The following LIN28B variants were observed in gnomAD, a reference collection of about 807,000 sequenced individuals.
LIN28B encodes lin-28 RNA binding posttranscriptional regulator B.
Under a neutral mutation model 21.9 loss-of-function variants are expected in LIN28B, and 5 were observed. The observed-to-expected ratio is 0.23, with a 90% CI of 0.12 to 0.48. The LOEUF is 0.48. Among genes scored for constraint, LIN28B ranks in the 20% least tolerant of loss-of-function variants. LIN28B has a pLI of 0.98. For missense variants in LIN28B, 245 were observed against 310.5 expected (o/e 0.79, Z 1.58); for synonymous variants, 109 against 111.3 (o/e 0.98, Z 0.13).
At chr6:105,009,568 A>T (rs1398846907) in intron 2 of LIN28B, among the ~76,000 whole-genome samples, 2 of 152,266 alleles carry the variant, frequency 1.3e-5, no homozygotes, top group South Asian at 4.2e-4. Flanking sequence ...TCTAAAAGAA[A>T]AGTAGACACA....
At chr6:105,011,547 T>A (rs373478180) in intron 2 of LIN28B, among the ~76,000 whole-genome samples, 1 of 152,210 alleles carries the variant, frequency 6.6e-6, no homozygotes, top group Non-Finnish European at 1.5e-5. Flanking sequence ...CATCTGACCT[T>A]CTTTACATCA....
rs573675268 is a variant in LIN28B at position 105,081,146 on chromosome 6, A to G, written c.*2363A>G. Reference sequence around the variant, plus strand: ...AAGAACTTTGCTCAGGGAACATACCATGTAATATTTTTGTTGTTTCTTTAC... The same window carrying G: ...AAGAACTTTGCTCAGGGAACATACCGTGTAATATTTTTGTTGTTTCTTTAC... On this transcript the variant is annotated 3_prime_UTR_variant, in exon 4 of 4. Transcript: ENST00000345080. 4 of 152,754 alleles carry G rather than the reference A, an allele frequency of 2.6e-5. No individual in the cohort carries two copies. The South Asian group carries it at 8.3e-4, about 32-fold the overall frequency. 9.5% of individuals were successfully genotyped at this position (152,754 alleles called of 1,614,324 possible).
intron 3 of LIN28B, among the ~76,000 whole-genome samples, chr6:105,032,540 C>T (rs977967175): frequency 6.6e-6 from 1 of 151,958 alleles, no homozygotes; most frequent in Non-Finnish European, 1.5e-5. Context: ...GCCTGGGCAA[C>T]ATGGAGAAAC....
intron 3 of LIN28B, among the ~76,000 whole-genome samples, chr6:105,033,895 A>G (rs1003904611): frequency 2.0e-5 from 3 of 151,688 alleles, no homozygotes; most frequent in South Asian, 2.1e-4. Flanking sequence ...TATTATTTAT[A>G]TGAAATAATC....
chr6:104,948,413 G>A (rs925959335), intron 2 of LIN28B, among the ~76,000 whole-genome samples: 9 of 152,182 alleles, frequency 5.9e-5, no homozygotes, highest in Middle Eastern at 3.2e-3. Flanking sequence ...GTTGCAGTGA[G>A]CCTAGATTGC....
At chr6:104,963,239 G>A (rs1307056755) in intron 2 of LIN28B, among the ~76,000 whole-genome samples, 2 of 152,028 alleles carry the variant, frequency 1.3e-5, no homozygotes, top group Non-Finnish European at 2.9e-5. Context: ...GTAGAGACGG[G>A]GTTTCACTGT....
intron 2 of LIN28B, among the ~76,000 whole-genome samples, chr6:104,962,360 A>G (rs946509185): frequency 6.6e-6 from 1 of 152,070 alleles, no homozygotes; most frequent in Non-Finnish European, 1.5e-5. Context: ...ATTCATCTTC[A>G]TTTACCTTAC....
chr6:105,070,865 G>GT (rs139366101), intron 3 of LIN28B, among the ~76,000 whole-genome samples: 12 of 152,172 alleles, frequency 7.9e-5, no homozygotes, highest in African/African-American at 1.2e-4. Context: ...CCTCCCAGTG[G>GT]TTTTTACATT....
At chr6:105,028,002 A>G (rs1387687317) in intron 3 of LIN28B, among the ~76,000 whole-genome samples, 1 of 152,210 alleles carries the variant, frequency 6.6e-6, no homozygotes, top group African/African-American at 2.4e-5. Flanking sequence ...TGAAAGTTTA[A>G]TGATACACTT....
intron 2 of LIN28B, among the ~76,000 whole-genome samples, chr6:105,000,657 G>T (rs1770701691): frequency 6.6e-6 from 1 of 151,236 alleles, no homozygotes; most frequent in Non-Finnish European, 1.5e-5. Context: ...AAATAATAAA[G>T]AATAAAAATT....
chr6:104,946,293 T>C lies in LIN28B; in HGVS notation c.19-4168T>C, dbSNP rs554058521. Among the ~76,000 whole-genome samples the C allele has an allele frequency of 2.0e-5, 3 of 152,248 alleles. No individual in the cohort carries two copies. In the East Asian group the frequency reaches 5.8e-4, roughly 29 times the overall value. ...AGTAAATTATTTTGTTTAGATTTTC[T>C]GTTCCTGTGTATGATTGAGGGTACA... On this transcript the variant is annotated intron_variant, in intron 2 of 5. Coordinates refer to the LIN28B transcript ENST00000635857.
chr6:105,034,753 G>A (rs1771492889), intron 3 of LIN28B, among the ~76,000 whole-genome samples: 1 of 152,074 alleles, frequency 6.6e-6, no homozygotes, highest in African/African-American at 2.4e-5. Flanking sequence ...AAGTGGAGAT[G>A]TGTGATAGTA....
At chr6:104,977,389 A>G (rs1292019968) in intron 2 of LIN28B, among the ~76,000 whole-genome samples, 1 of 152,206 alleles carries the variant, frequency 6.6e-6, no homozygotes, top group Non-Finnish European at 1.5e-5. Flanking sequence ...TCTAGCCAGA[A>G]TTGCTTACTT....
rs116728995 is a variant in LIN28B, at chr6:104,964,256, A to C, written c.198+5970A>C. Among the ~76,000 whole-genome samples, 873 of 152,280 alleles carry C rather than the reference A, an allele frequency of 5.7e-3. 9 individuals carry two copies. The highest frequency in any genetic ancestry group is 0.02 in the African/African-American group (841 of 41,558). On this transcript the variant is annotated intron_variant, in intron 2 of 3. Transcript: ENST00000345080. ...CCAGGCTGACCTGGAACTCCTAGCT[A>C]GTCTCAAGAGATACTCCCTCCTCAG...
chr6:105,070,592 C>CCAGACACACACACACACACACA (rs1772311912), intron 3 of LIN28B, among the ~76,000 whole-genome samples: 1 of 92,228 alleles, frequency 1.1e-5, no homozygotes, highest in Non-Finnish European at 2.1e-5. Context: ...ATCAATAAAA[C>CCAGACACACACACACACACACA]CACACACACA....
In LIN28B at chr6:105,080,530, T is replaced by C. The variant is rs1321209140; in HGVS notation, c.*1747T>C. 1 of 152,622 alleles carries C rather than the reference T, an allele frequency of 6.6e-6. No individual in the cohort carries two copies. The highest frequency in any genetic ancestry group is 1.5e-5 in the Non-Finnish European group (1 of 68,040). The allele number at this position is 152,622 out of a possible 1,614,324, so 9.5% of individuals were successfully genotyped here. On this transcript the variant is annotated 3_prime_UTR_variant, in exon 4 of 4. Coordinates refer to ENST00000345080, the MANE Select transcript of LIN28B (RefSeq NM_001004317.4). ...GTTGCCAGTCCTTTACAACTCAGCT[T>C]GAATTTCACAACAGTGATTGTGAGA...
At position 105,011,775 on chromosome 6, in the gene LIN28B, G is replaced by A. The variant is rs774571392; in HGVS notation, c.199-14523G>A. The stretch of plus-strand genomic sequence containing the variant: ...CAGGAGAATCACTTAAACCCGGGAC[G>A]TGGAGGTTGCAGTTAGCTGAGATCG... On this transcript the variant is annotated intron_variant, in intron 2 of 3. Transcript: ENST00000345080. Among the ~76,000 whole-genome samples, 34 of 152,152 alleles carry A rather than the reference G, an allele frequency of 2.2e-4. 1 individual carries two copies. The highest frequency in any genetic ancestry group is 4.9e-4 in the Non-Finnish European group (33 of 68,024).
chr6:105,012,469 CAA>C (rs746170800), intron 2 of LIN28B, among the ~76,000 whole-genome samples: 2 of 136,206 alleles, frequency 1.5e-5, no homozygotes, highest in African/African-American at 2.7e-5. Flanking sequence ...ACTCCATCTC[CAA>C]AAAAAAAAAC....
rs577546140 is a variant in LIN28B, at chr6:104,989,741, G to A, written c.198+31455G>A. On this transcript the variant is annotated intron_variant, in intron 2 of 3. Transcript: ENST00000345080. ...GAGTAGCTGGGATTACAGGCCCTGC[G>A]CCACCATGTCTGGCTAATTTTTGTA... is the stretch of plus-strand genomic sequence containing the variant. 1.1e-4 allele frequency among the ~76,000 whole-genome samples: 17 copies of A among 151,472 alleles called. No individual in the cohort carries two copies. The East Asian group carries it at 2.5e-3, about 23-fold the overall frequency.
Sources: allele counts gnomAD v4.1 joint callset (sites outside exome capture counted in the v4.1 genomes callset), GRCh38; gene constraint gnomAD v4.1.1; transcripts MANE v1.5; gene names NCBI Gene and HGNC (gene_info 2026-07-23, HGNC 2026-07-21).